Variants in MUC5B observed in about 807,000 individuals in gnomAD.
MUC5B encodes the protein mucin 5B, oligomeric mucus/gel-forming.
A neutral mutation model predicts 376.9 loss-of-function variants in MUC5B; 116 were observed. The observed-to-expected ratio is 0.31, with a 90% CI of 0.26 to 0.36. MUC5B has a LOEUF of 0.36. Among genes scored for constraint, MUC5B ranks in the 10% least tolerant of loss-of-function variants. The pLI is 1.00. For synonymous variants in MUC5B, 3,517 were observed against 3,390.9 expected (o/e 1.04, Z -1.29); for missense variants, 7,165 against 7,769.9 (o/e 0.92, Z 2.93).
In MUC5B at chr11:1,244,965, T is replaced by C; in HGVS notation, c.8085T>C (p.Thr2695=). The change falls in exon 31 of 49, where the codon ACT becomes ACC. Residue 2695 remains threonine (T), a synonymous_variant. Coordinates refer to ENST00000529681, the MANE Select transcript of MUC5B (RefSeq NM_002458.3). ...CCCCATCACTGACCACCACGGCCACTACGATCACGGCCACCGGCTCCACCA... is the reference window on the plus strand; with the variant it reads ...CCCCATCACTGACCACCACGGCCACCACGATCACGGCCACCGGCTCCACCA... The part of the protein sequence containing the change: ...GTPPSLTTTA[T]TITATGSTTN... The C allele has an allele frequency of 6.4e-7, 1 of 1,559,846 alleles. No homozygotes were observed. Among genetic ancestry groups the C allele is most frequent in the Non-Finnish European group, 8.7e-7 (1 of 1,153,916 alleles).
intron 14 of MUC5B, among the ~76,000 whole-genome samples, 174 bp from the exon 15 acceptor site, chr11:1,231,822 C>T (rs906213996): frequency 1.3e-5 from 2 of 152,138 alleles, no homozygotes; most frequent in African/African-American, 2.4e-5. Flanking sequence ...GCACAGGGGC[C>T]GACTGCACAG....
intron 19 of MUC5B, among the ~76,000 whole-genome samples, 151 bp downstream of exon 19, chr11:1,233,999 C>T (rs1862099644): frequency 6.6e-6 from 1 of 152,212 alleles, no homozygotes; most frequent in South Asian, 2.1e-4. Context: ...CACCCATGCC[C>T]TGACACGCCA....
chr11:1,234,616 C>T lies in MUC5B; in HGVS notation c.2566C>T (p.Pro856Ser). 1.3e-6 allele frequency: 2 copies of T among 1,560,726 alleles called. No individual in the cohort carries two copies. The highest frequency in any genetic ancestry group is 1.7e-6 in the Non-Finnish European group (2 of 1,153,160). The change falls in exon 21 of 49, where the codon CCC becomes TCC. Residue 856 changes from proline (P) to serine (S), a missense_variant. This residue lies in a region of MUC5B where 530 missense variants were observed against 604.0 expected (regional missense o/e 0.88). Coordinates refer to ENST00000529681, the MANE Select transcript of MUC5B (RefSeq NM_002458.3). This position sits in a 1 kb window ranked among gnomAD's most constrained non-coding sequence, Gnocchi z 6.3. ...GGGCTGCATTGCCGAGGAGGACTGC[C>T]CCTGTGTGCACAACGAGGCCACCTA... ...SGGCIAEEDC[P>S]CVHNEATYKP...
chr11:1,249,431 T>C lies in MUC5B; in HGVS notation c.12551T>C (p.Leu4184Pro). The change falls in exon 31 of 49, where the codon CTG becomes CCG. Residue 4184 changes from leucine to proline, a missense_variant. Coordinates refer to ENST00000529681, the MANE Select transcript of MUC5B (RefSeq NM_002458.3). ...CRAQAQPGVP[L>P]GELGQVVECS... ...GCCCAGGCCCAGCCTGGTGTCCCCC[T>C]GGGGGAGTTGGGCCAGGTCGTGGAA... 1 of 1,611,420 alleles carries C rather than the reference T, an allele frequency of 6.2e-7. No individual in the cohort carries two copies. Among genetic ancestry groups the C allele is most frequent in the Non-Finnish European group, 8.5e-7 (1 of 1,179,622 alleles).
rs750420840 is a variant in MUC5B at position 1,251,616 on chromosome 11, C to A, written c.14736C>A (p.Ser4912Arg). 8.1e-6 allele frequency: 13 copies of A among 1,612,952 alleles called. No individual in the cohort carries two copies. The East Asian group carries it at 2.0e-4, about 25-fold the overall frequency. Reference sequence around the variant, plus strand: ...GCACCCCTGCAGTGCTCCCCAGCAGCCTGCCAACCTTCAGCGTGTCCACTG... The same window carrying A: ...GCACCCCTGCAGTGCTCCCCAGCAGACTGCCAACCTTCAGCGTGTCCACTG... ...TTRTPAVLPS[S>R]LPTFSVSTVS... Residue 4912 changes from serine to arginine, a missense_variant, in exon 31 of 49, where the codon AGC (serine) becomes AGA (arginine). Coordinates refer to ENST00000529681, the MANE Select transcript of MUC5B (RefSeq NM_002458.3).
chr11:1,226,572 G>C, intron 3 of MUC5B, 43 bp from the exon 4 acceptor site: 2 of 1,578,740 alleles, frequency 1.3e-6, no homozygotes, highest in South Asian at 1.1e-5. Flanking sequence ...CTACCCCGTG[G>C]GGGGCTGGCA....
In MUC5B at chr11:1,261,464, G is replaced by A. The variant is rs928034483; in HGVS notation, c.17145G>A (p.Val5715=). 1.9e-6 allele frequency: 3 copies of A among 1,555,916 alleles called. No individual in the cohort carries two copies. The highest frequency in any genetic ancestry group is 2.6e-6 in the Non-Finnish European group (3 of 1,151,598). ...AGAGGCGGGTCCACGAGGAGACGGT[G>A]CCCTTGCACTGTCCTAACGGCTCAG... ...CQERRVHEET[V]PLHCPNGSAI... is the part of the protein sequence containing the mutation. The change falls in exon 49 of 49, where the codon GTG becomes GTA. Residue 5715 remains valine (V), a synonymous_variant. Coordinates refer to ENST00000529681, the MANE Select transcript of MUC5B (RefSeq NM_002458.3).
In MUC5B at chr11:1,246,531, G is replaced by T; in HGVS notation, c.9651G>T (p.Gly3217=). 1 of 1,612,558 alleles carries T rather than the reference G, an allele frequency of 6.2e-7. No individual in the cohort carries two copies. The highest frequency in any genetic ancestry group is 8.5e-7 in the Non-Finnish European group (1 of 1,179,426). The part of the protein sequence containing the change: ...SSRATPSSSP[G]TATALPALRS... ...GAGCCACTCCCTCCTCCAGTCCAGG[G>T]ACTGCAACCGCCCTTCCAGCACTGA... The change falls in exon 31 of 49, where the codon GGG becomes GGT. Residue 3217 remains glycine (G), a synonymous_variant. Coordinates refer to ENST00000529681, the MANE Select transcript of MUC5B (RefSeq NM_002458.3).
At position 1,243,139 on chromosome 11, in the gene MUC5B, G is replaced by A. The variant is rs373024393; in HGVS notation, c.6259G>A (p.Gly2087Ser). The A allele has an allele frequency of 3.7e-6, 6 of 1,609,388 alleles. No homozygotes were observed. The highest frequency in any genetic ancestry group is 1.3e-5 in the African/African-American group (1 of 74,384). Residue 2087 changes from glycine (G) to serine (S), a missense_variant, in exon 31 of 49, where the codon GGC becomes AGC. This residue lies in a region of MUC5B where 897 missense variants were observed against 779.6 expected (regional missense o/e 1.15). Transcript: ENST00000529681. The part of the protein sequence containing the change: ...ISTTTTPTTR[G>S]STVTPSSIPG... ...CACAACCACCACACCCACAACCAGAGGCTCCACGGTGACCCCCTCCTCCAT... is the reference window on the plus strand; with the variant it reads ...CACAACCACCACACCCACAACCAGAAGCTCCACGGTGACCCCCTCCTCCAT...
intron 18 of MUC5B, 100 bp from the exon 19 acceptor site, chr11:1,233,693 G>C (rs1862087162): frequency 8.3e-7 from 1 of 1,206,244 alleles, no homozygotes; most frequent in Admixed American, 2.0e-5. Context: ...GAGGTGGCCA[G>C]GCTGGGGAGG....
chr11:1,227,068 G>A lies in MUC5B; in HGVS notation c.499G>A (p.Glu167Lys). The change falls in exon 5 of 49, where the codon GAG becomes AAG. Residue 167 changes from glutamate to lysine, a missense_variant. Transcript: ENST00000529681. ...LPYSRTGLLV[E>K]QSGDYIKVSI... ...TTACAGCCGCACTGGCCTCCTGGTG[G>A]AGCAGAGCGGGGACTACATCAAGGT... 6.2e-7 allele frequency: 1 copy of A among 1,612,264 alleles called. No homozygotes were observed. The highest frequency in any genetic ancestry group is 8.5e-7 in the Non-Finnish European group (1 of 1,179,586).
At position 1,240,989 on chromosome 11, in the gene MUC5B, A is replaced by G. The variant is rs1370632394; in HGVS notation, c.4109A>G (p.Gln1370Arg). Residue 1370 changes from glutamine (Q) to arginine (R), a missense_variant, in exon 31 of 49, where the codon CAG becomes CGG. Physicochemically the swap from Gln to Arg is conservative, Grantham distance 43 (BLOSUM62 1). Around this residue, in one of 31 missense-constraint regions of MUC5B, gnomAD observed 517 missense variants for 545.3 expected, o/e 0.95. Coordinates refer to ENST00000529681, the MANE Select transcript of MUC5B (RefSeq NM_002458.3). Reference sequence around the variant, plus strand: ...GAAAACCTGAGGCAGAGAGGGTACCAGGTATGCCCTGTGCTGGCTGACATC... The same window carrying G: ...GAAAACCTGAGGCAGAGAGGGTACCGGGTATGCCCTGTGCTGGCTGACATC... ...TFENLRQRGY[Q>R]VCPVLADIEC... 6.2e-7 allele frequency: 1 copy of G among 1,613,300 alleles called. No homozygotes were observed.
In MUC5B at chr11:1,240,235, C is replaced by T; in HGVS notation, c.3830C>T (p.Thr1277Ile). Residue 1277 changes from threonine (T) to isoleucine (I), a missense_variant, in exon 30 of 49, where the codon ACC becomes ATC. Around this residue, in one of 31 missense-constraint regions of MUC5B, gnomAD observed 517 missense variants for 545.3 expected, o/e 0.95. Transcript: ENST00000529681. ...TYSYQDVIYNTTDGLGACLIA... is the reference protein window; with the variant it reads ...TYSYQDVIYNITDGLGACLIA... The stretch of plus-strand genomic sequence containing the variant: ...AGCTACCAGGACGTCATCTACAACA[C>T]CACCGATGGGCTTGGCGCCTGCTTG... 2 of 1,613,496 alleles carry T rather than the reference C, an allele frequency of 1.2e-6. No individual in the cohort carries two copies. The highest frequency in any genetic ancestry group is 1.7e-6 in the Non-Finnish European group (2 of 1,179,560).
chr11:1,245,458 T>A lies in MUC5B; in HGVS notation c.8578T>A (p.Ser2860Thr), dbSNP rs753654727. 2.1e-5 allele frequency: 28 copies of A among 1,364,646 alleles called. 8 individuals are homozygous for A. The highest frequency in any genetic ancestry group is 2.2e-5 in the Non-Finnish European group (22 of 997,240). 84.5% of individuals were successfully genotyped at this position (1,364,646 alleles called of 1,614,324 possible). ...TSTLLPSSPT[S>T]APITTVVTMG... is the part of the protein sequence containing the mutation. ...GACCCTGCTGCCCAGCAGCCCCACATCGGCCCCAATAACCACGGTGGTGAC... is the reference window on the plus strand; with the variant it reads ...GACCCTGCTGCCCAGCAGCCCCACAACGGCCCCAATAACCACGGTGGTGAC... Residue 2860 changes from serine (S) to threonine (T), a missense_variant, in exon 31 of 49, where the codon TCG (serine) becomes ACG (threonine). By Grantham distance (58) the Ser-to-Thr change is moderately conservative (BLOSUM62 1). Around this residue, in one of 31 missense-constraint regions of MUC5B, gnomAD observed 57 missense variants for 167.2 expected, o/e 0.34. Transcript: ENST00000529681.
Position 1,234,492 on chromosome 11 carries a change from T to C in MUC5B, c.2479-37T>C, listed in dbSNP as rs1207234523. Reference sequence around the variant, plus strand: ...GGTGAGTGACATCTGCCCACCCTGGTGTCCAGCCCTGACCGGTACCTGCCT... The same window carrying C: ...GGTGAGTGACATCTGCCCACCCTGGCGTCCAGCCCTGACCGGTACCTGCCT... On this transcript the variant is annotated intron_variant, in intron 20 of 48. Transcript: ENST00000529681. The surrounding 1 kb of genome is among the most constrained non-coding windows in gnomAD (Gnocchi z 6.3). 6.4e-7 allele frequency: 1 copy of C among 1,558,466 alleles called. No individual in the cohort carries two copies. The highest frequency in any genetic ancestry group is 8.7e-7 in the Non-Finnish European group (1 of 1,151,824).
chr11:1,259,156 C>T (rs1564954397), intron 44 of MUC5B, 95 bp downstream of exon 44: 2 of 1,317,308 alleles, frequency 1.5e-6, no homozygotes, highest in Non-Finnish European at 1.0e-6. Context: ...ACCTGAGTCA[C>T]CCGCCCCCAG....
In MUC5B at chr11:1,261,420, C is replaced by A; in HGVS notation, c.17101C>A (p.Gln5701Lys). 6.4e-7 allele frequency: 1 copy of A among 1,554,478 alleles called. No individual in the cohort carries two copies. The part of the protein sequence containing the change: ...YSAEAQAMQH[Q>K]CTCCQERRVH... ...AGCAGAGGCCCAGGCCATGCAGCAC[C>A]AGTGCACCTGCTGCCAGGAGAGGCG... The change falls in exon 49 of 49, where the codon CAG becomes AAG. Residue 5701 changes from glutamine to lysine, a missense_variant. By Grantham distance (53) the Gln-to-Lys change is moderately conservative (BLOSUM62 1). Coordinates refer to ENST00000529681, the MANE Select transcript of MUC5B (RefSeq NM_002458.3).
Position 1,253,496 on chromosome 11 carries a change from C to G in MUC5B, c.15217+516C>G, listed in dbSNP as rs575654144. Among the ~76,000 whole-genome samples the G allele has an allele frequency of 2.0e-5, 3 of 152,296 alleles. No individual in the cohort carries two copies. In the South Asian group the frequency reaches 6.2e-4, roughly 32 times the overall value. On this transcript the variant is annotated intron_variant, in intron 33 of 48. Coordinates refer to ENST00000529681, the MANE Select transcript of MUC5B (RefSeq NM_002458.3). The surrounding 1 kb of genome is among the most constrained non-coding windows in gnomAD (Gnocchi z 4.3). ...CCCACCGCTAAGAGGTCACGGCGTT[C>G]TCACTCCTCCCCATGTCCTTGGCCC... is the stretch of plus-strand genomic sequence containing the variant.
chr11:1,251,035 A>G lies in MUC5B; in HGVS notation c.14155A>G (p.Thr4719Ala), dbSNP rs1474585992. Residue 4719 changes from threonine to alanine, a missense_variant, in exon 31 of 49, where the codon ACC (threonine) becomes GCC (alanine). Coordinates refer to ENST00000529681, the MANE Select transcript of MUC5B (RefSeq NM_002458.3). ...LTSTATTPAA[T>A]SSKATSSSSP... ...CAGCACGGCCACCACACCCGCAGCC[A>G]CCAGCTCCAAAGCCACTTCCTCCTC... 5 of 1,610,796 alleles carry G rather than the reference A, an allele frequency of 3.1e-6. No individual in the cohort carries two copies. The African/African-American group carries it at 6.7e-5, about 22-fold the overall frequency.
Sources: gnomAD v4.1 joint callset for allele counts (sites outside exome capture counted in the v4.1 genomes callset) on GRCh38, gnomAD v4.1.1 for gene constraint, gnomAD v4.1.1 regional missense constraint, Gnocchi (gnomAD v3.1) non-coding constraint, MANE v1.5 for transcripts, NCBI Gene and HGNC (gene_info 2026-07-23, HGNC 2026-07-21) for gene names.